The following OSBP2 variants were observed in gnomAD, a reference collection of about 807,000 sequenced individuals.
OSBP2 encodes the protein oxysterol binding protein 2.
Under a neutral mutation model 96.0 loss-of-function variants are expected in OSBP2, and 66 were observed. That is an observed-to-expected ratio of 0.69 (90% confidence interval 0.56 to 0.84). The LOEUF is 0.84. Ranked by LOEUF, OSBP2 falls within the 40% of genes least tolerant of loss-of-function variation. The pLI, the probability that OSBP2 is intolerant of heterozygous loss-of-function variation, is 0.00. For synonymous variants in OSBP2, 525 were observed against 520.9 expected (o/e 1.01, Z -0.11); for missense variants, 1,038 against 1,222.7 (o/e 0.85, Z 2.25).
In OSBP2 at chr22:30,803,071, G is replaced by A. The variant is rs558829470; in HGVS notation, c.853+61702G>A. ...GGCACTGCACCCAGATGGACTGAGAGCGCGGCGGCGGGAAGGCGGCGGCGG... is the reference window on the plus strand; with the variant it reads ...GGCACTGCACCCAGATGGACTGAGAACGCGGCGGCGGGAAGGCGGCGGCGG... On this transcript the variant is annotated intron_variant, in intron 2 of 13. Transcript: ENST00000332585. 1,288 of 205,618 alleles carry A rather than the reference G, an allele frequency of 6.3e-3. 16 individuals are homozygous for A. Among genetic ancestry groups the A allele is most frequent in the African/African-American group, 0.028 (1,157 of 42,062 alleles). The allele number at this position is 205,618 out of a possible 1,614,324, so 12.7% of individuals were successfully genotyped here. A position where few individuals can be genotyped will look rare whatever the true frequency, so the allele number is the denominator to read the frequency against.
chr22:30,868,294 A>T (rs5753362), intron 2 of OSBP2, among the ~76,000 whole-genome samples: 5 of 152,168 alleles, frequency 3.3e-5, no homozygotes, highest in Admixed American at 3.3e-4. Flanking sequence ...TTGGCCTCTC[A>T]GAACCTGCAT....
intron 2 of OSBP2, among the ~76,000 whole-genome samples, chr22:30,749,549 G>C (rs1205529517): frequency 6.6e-6 from 1 of 152,166 alleles, no homozygotes; most frequent in African/African-American, 2.4e-5. Context: ...GAACCTGCTT[G>C]AATTGAAAGT....
rs2089011543 is a variant in OSBP2 at position 30,695,492 on chromosome 22, T to C, written c.583T>C (p.Tyr195His). 1 of 1,613,054 alleles carries C rather than the reference T, an allele frequency of 6.2e-7. No individual in the cohort carries two copies. The highest frequency in any genetic ancestry group is 8.5e-7 in the Non-Finnish European group (1 of 1,180,034). ...GGGCTGGCTTCTCAAGTGGACCAAC[T>C]ATCTGAAGGGCTACCAGCGCCGCTG... ...FEGWLLKWTN[Y>H]LKGYQRRWFV... is the part of the protein sequence containing the mutation. Residue 195 changes from tyrosine (Y) to histidine (H), a missense_variant, in exon 1 of 14, where the codon TAT (tyrosine) becomes CAT (histidine). By Grantham distance (83) the Tyr-to-His change is moderately conservative (BLOSUM62 2). Coordinates refer to ENST00000332585, the MANE Select transcript of OSBP2 (RefSeq NM_030758.4).
chr22:30,703,783 A>G (rs1450556277), intron 1 of OSBP2, among the ~76,000 whole-genome samples: 1 of 152,128 alleles, frequency 6.6e-6, no homozygotes, highest in African/African-American at 2.4e-5. Context: ...GCCTGGCCTT[A>G]TAGCTTTTAA....
chr22:30,864,080 C>T (rs2039280990), intron 2 of OSBP2, among the ~76,000 whole-genome samples: 1 of 151,916 alleles, frequency 6.6e-6, no homozygotes, highest in South Asian at 2.1e-4. Flanking sequence ...AAGCAATTCT[C>T]CTGCCTCAGC....
chr22:30,867,264 T>G (rs1325815431), intron 2 of OSBP2, among the ~76,000 whole-genome samples: 1 of 152,166 alleles, frequency 6.6e-6, no homozygotes, highest in African/African-American at 2.4e-5. Flanking sequence ...AACTGCCACA[T>G]GCTCCCTTTT....
intron 2 of OSBP2, among the ~76,000 whole-genome samples, chr22:30,847,902 A>C (rs1303531549): frequency 6.6e-6 from 1 of 151,986 alleles, no homozygotes; most frequent in Non-Finnish European, 1.5e-5. Context: ...TATAGATTTT[A>C]TTGATATTTT....
intron 8 of OSBP2, among the ~76,000 whole-genome samples, chr22:30,892,695 TA>T (rs1205716818): frequency 2.0e-5 from 3 of 152,068 alleles, no homozygotes; most frequent in African/African-American, 7.2e-5. Flanking sequence ...GCCCCTTGGC[TA>T]AAATCACTCT....
In OSBP2 at chr22:30,899,854, T is replaced by C. The variant is rs561843882; in HGVS notation, c.2375+5853T>C. On this transcript the variant is annotated intron_variant, in intron 12 of 13. Transcript: ENST00000332585. Reference sequence around the variant, plus strand: ...TATTAGAAAATCCATAGAGTAATCATATTAACAGATTTCAATAGATTCAGA... The same window carrying C: ...TATTAGAAAATCCATAGAGTAATCACATTAACAGATTTCAATAGATTCAGA... Among the ~76,000 whole-genome samples, 4 of 152,338 alleles carry C rather than the reference T, an allele frequency of 2.6e-5. No individual in the cohort carries two copies. The South Asian group carries it at 8.3e-4, about 32-fold the overall frequency.
rs555494904 is a variant in OSBP2 at position 30,838,305 on chromosome 22, C to A, written c.854-32124C>A. Among the ~76,000 whole-genome samples, 98 of 152,218 alleles carry A rather than the reference C, an allele frequency of 6.4e-4. 1 individual carries two copies. Among genetic ancestry groups the A allele is most frequent in the South Asian group, 3.1e-3 (15 of 4,822 alleles). Reference sequence around the variant, plus strand: ...ACTTGTGTTCCAGTGTTTGGAGTCCCTGGGGATGTGATTGCATAATACTGT... The same window carrying A: ...ACTTGTGTTCCAGTGTTTGGAGTCCATGGGGATGTGATTGCATAATACTGT... On this transcript the variant is annotated intron_variant, in intron 2 of 13. Coordinates refer to ENST00000332585, the MANE Select transcript of OSBP2 (RefSeq NM_030758.4).
intron 2 of OSBP2, among the ~76,000 whole-genome samples, chr22:30,835,718 C>CTT (rs538763182): frequency 0.014 from 1,797 of 132,090 alleles, 20 homozygotes; most frequent in Middle Eastern, 0.045. Flanking sequence ...TATGTAGTTA[C>CTT]TTTTTTTTTT....
chr22:30,847,031 A>G lies in OSBP2; in HGVS notation c.854-23398A>G, dbSNP rs189336032. On this transcript the variant is annotated intron_variant, in intron 2 of 13. Transcript: ENST00000332585. ...CTTTCTCAATCACCCTGGCTGGAGTACAGTAGCACAATCTTGGCTCACTGC... is the reference window on the plus strand; with the variant it reads ...CTTTCTCAATCACCCTGGCTGGAGTGCAGTAGCACAATCTTGGCTCACTGC... Among the ~76,000 whole-genome samples the G allele has an allele frequency of 6.4e-3, 971 of 152,094 alleles. 11 individuals carry two copies. Among genetic ancestry groups the G allele is most frequent in the African/African-American group, 0.023 (943 of 41,484 alleles).
intron 2 of OSBP2, among the ~76,000 whole-genome samples, chr22:30,793,441 C>G (rs551958292): frequency 2.0e-5 from 3 of 151,814 alleles, no homozygotes; most frequent in Admixed American, 2.0e-4. Context: ...TGAGGCTGGA[C>G]GATTGCTTGA....
chr22:30,888,185 T>C (rs778262477), intron 4 of OSBP2, 38 bp from the exon 5 acceptor site: 4 of 1,383,458 alleles, frequency 2.9e-6, no homozygotes, highest in African/African-American at 1.4e-5. Context: ...TTGAGCCTTT[T>C]GTGAGGTTAC....
At chr22:30,872,154 T>G (rs1211706173) in intron 3 of OSBP2, among the ~76,000 whole-genome samples, 3 of 152,240 alleles carry the variant, frequency 2.0e-5, no homozygotes, top group Non-Finnish European at 4.4e-5. Flanking sequence ...GTTGGCCCCA[T>G]TGTCACCTGC....
Position 30,890,957 on chromosome 22 carries a change from G to C in OSBP2, c.1853G>C (p.Arg618Pro). Reference sequence around the variant, plus strand: ...GACCGCCTCGACGACATGGGCCTGCGCTCCCTCTGTGAGCAGGTGAGGGGG... The same window carrying C: ...GACCGCCTCGACGACATGGGCCTGCCCTCCCTCTGTGAGCAGGTGAGGGGG... The part of the protein sequence containing the change: ...ELDRLDDMGL[R>P]SLCEQVSHHP... The change falls in exon 8 of 14, where the codon CGC becomes CCC. Residue 618 changes from arginine to proline, a missense_variant. Arg to Pro is a moderately radical substitution (Grantham distance 103). Coordinates refer to ENST00000332585, the MANE Select transcript of OSBP2 (RefSeq NM_030758.4). The surrounding 1 kb of genome is among the most constrained non-coding windows in gnomAD (Gnocchi z 4.4). 6.2e-7 allele frequency: 1 copy of C among 1,608,596 alleles called. No homozygotes were observed. The highest frequency in any genetic ancestry group is 8.5e-7 in the Non-Finnish European group (1 of 1,179,970).
intron 1 of OSBP2, among the ~76,000 whole-genome samples, chr22:30,732,158 G>T (rs2089790321): frequency 6.6e-6 from 1 of 152,048 alleles, no homozygotes; most frequent in Admixed American, 6.6e-5. Context: ...ACAAAAATTA[G>T]CTGGGCGTGG....
At chr22:30,700,933 CA>C (rs769379004) in intron 1 of OSBP2, among the ~76,000 whole-genome samples, 86 of 141,104 alleles carry the variant, frequency 6.1e-4, no homozygotes, top group Non-Finnish European at 6.5e-4. Flanking sequence ...TTACTATATA[CA>C]AAAAAAAAAA....
At chr22:30,730,716 G>GTCTCTCTCTCTCTCTCCCTC (rs2089737186) in intron 1 of OSBP2, among the ~76,000 whole-genome samples, 1 of 19,962 alleles carries the variant, frequency 5.0e-5, no homozygotes, top group South Asian at 1.8e-3. Flanking sequence ...TCGCTGCCCT[G>GTCTCTCTCTCTCTCTCCCTC]TCTCTCTCTC....
Sources: allele counts gnomAD v4.1 joint callset (sites outside exome capture counted in the v4.1 genomes callset), GRCh38; gene constraint gnomAD v4.1.1; non-coding constraint Gnocchi (gnomAD v3.1); transcripts MANE v1.5; gene names NCBI Gene and HGNC (gene_info 2026-07-23, HGNC 2026-07-21).